The following CFAP61 variants were observed in gnomAD, a reference collection of about 807,000 sequenced individuals.
CFAP61 encodes the protein cilia and flagella associated protein 61.
In CFAP61, 107 loss-of-function variants were observed where a neutral mutation model predicts 135.6. The ratio of observed to expected loss-of-function variants is 0.79; its 90% CI spans 0.67 to 0.93. CFAP61 has a LOEUF of 0.93. CFAP61 is among the 40% of genes least tolerant of loss of function. The pLI is 0.00. For missense variants in CFAP61, 1,507 were observed against 1,556.2 expected (o/e 0.97, Z 0.53); for synonymous variants, 575 against 578.5 (o/e 0.99, Z 0.09).
At chr20:20,128,716 A>G (rs1229809426) in intron 8 of CFAP61, among the ~76,000 whole-genome samples, 1 of 151,750 alleles carries the variant, frequency 6.6e-6, no homozygotes, top group Non-Finnish European at 1.5e-5. Context: ...GTCCGCCATG[A>G]TGATCCAAAC....
At chr20:20,054,013 G>GTTTTTTTTTT (rs1239349657) in intron 1 of CFAP61, among the ~76,000 whole-genome samples, 2 of 59,098 alleles carry the variant, frequency 3.4e-5, no homozygotes, top group South Asian at 5.8e-4. Flanking sequence ...TTTTTTGTTT[G>GTTTTTTTTTT]TTTTTTTTTT....
In CFAP61 at chr20:20,123,677, C is replaced by A. The variant is rs1402189392; in HGVS notation, c.860-19180C>A. On this transcript the variant is annotated intron_variant, in intron 8 of 26. Transcript: ENST00000245957. ...GTTTTGGTGGTGTGATGCCTCCAGACTTGTTCTTTTTGCTTAGTCTTGCTT... is the reference window on the plus strand; with the variant it reads ...GTTTTGGTGGTGTGATGCCTCCAGAATTGTTCTTTTTGCTTAGTCTTGCTT... Among the ~76,000 whole-genome samples, 5 of 151,574 alleles carry A rather than the reference C, an allele frequency of 3.3e-5. 1 individual carries two copies. The highest frequency in any genetic ancestry group is 9.8e-5 in the African/African-American group (4 of 41,008).
chr20:20,063,643 A>G (rs2044996206), intron 2 of CFAP61, among the ~76,000 whole-genome samples: 1 of 152,210 alleles, frequency 6.6e-6, no homozygotes, highest in Non-Finnish European at 1.5e-5. Context: ...TAAAATATTA[A>G]AAGAATCCCT....
chr20:20,190,568 TGTG>T (rs2055848259), intron 14 of CFAP61, among the ~76,000 whole-genome samples: 4 of 152,208 alleles, frequency 2.6e-5, no homozygotes, highest in Admixed American at 2.0e-4. Flanking sequence ...GATGAAATCA[TGTG>T]AAACTTCATA....
intron 9 of CFAP61, among the ~76,000 whole-genome samples, chr20:20,158,104 G>C (rs1305241251): frequency 1.4e-5 from 2 of 147,956 alleles, no homozygotes; most frequent in African/African-American, 4.9e-5. Context: ...GGTGGGGGGA[G>C]GGGGGAGGGA....
rs111801312 is a variant in CFAP61 at position 20,163,930 on chromosome 20, C to T, written c.1027-120C>T. ...AGGCCTGGCCCAGGATGAGTTGTTTCGGGTGACAGTCACACCTGTCCTCAG... is the reference window on the plus strand; with the variant it reads ...AGGCCTGGCCCAGGATGAGTTGTTTTGGGTGACAGTCACACCTGTCCTCAG... On this transcript the variant is annotated intron_variant, in intron 10 of 26. Transcript: ENST00000245957. 2,398 of 698,650 alleles carry T rather than the reference C, an allele frequency of 3.4e-3. 47 individuals are homozygous for T. The African/African-American group carries it at 0.04, about 12-fold the overall frequency. The allele number at this position is 698,650 out of a possible 1,614,324, so 43.3% of individuals were successfully genotyped here.
rs1329761941 is a variant in CFAP61 at position 20,346,199 on chromosome 20, C to T, written c.3513+4278C>T. Among the ~76,000 whole-genome samples the T allele has an allele frequency of 2.0e-5, 3 of 147,480 alleles. No individual in the cohort carries two copies. The East Asian group carries it at 6.4e-4, about 31-fold the overall frequency. ...TACAGGTGTGAGCCACCGCGCCCGGCCGATTGTGCCACTTTAGTCCAGCCT... is the reference window on the plus strand; with the variant it reads ...TACAGGTGTGAGCCACCGCGCCCGGTCGATTGTGCCACTTTAGTCCAGCCT... On this transcript the variant is annotated intron_variant, in intron 26 of 26. Coordinates refer to ENST00000245957, the MANE Select transcript of CFAP61 (RefSeq NM_015585.4).
chr20:20,260,348 A>G (rs2052058696), intron 20 of CFAP61, among the ~76,000 whole-genome samples: 1 of 152,258 alleles, frequency 6.6e-6, no homozygotes, highest in Admixed American at 6.5e-5. Flanking sequence ...CCATTCAATG[A>G]AAGAACACAG....
At chr20:20,270,623 AT>A (rs200993797) in intron 21 of CFAP61, among the ~76,000 whole-genome samples, 1 of 150,614 alleles carries the variant, frequency 6.6e-6, no homozygotes, top group Non-Finnish European at 1.5e-5. Flanking sequence ...TGAAACTGGC[AT>A]TTTTCCCCCT....
chr20:20,325,688 T>A (rs2122275329), intron 25 of CFAP61, among the ~76,000 whole-genome samples: 1 of 152,334 alleles, frequency 6.6e-6, no homozygotes, highest in Admixed American at 6.5e-5. Context: ...TGTACAAGTT[T>A]TTGTATGGGC....
chr20:20,272,243 C>A (rs1241710989), intron 21 of CFAP61, among the ~76,000 whole-genome samples: 1 of 152,104 alleles, frequency 6.6e-6, no homozygotes, highest in Admixed American at 6.6e-5. Flanking sequence ...AGTTCACTAC[C>A]AGCCTGGCCA....
chr20:20,285,990 G>A (rs2054561392), intron 22 of CFAP61, among the ~76,000 whole-genome samples: 1 of 139,080 alleles, frequency 7.2e-6, no homozygotes, highest in Non-Finnish European at 1.5e-5. Flanking sequence ...TGGAAATGGA[G>A]AGAAAAGGTA....
rs141231617 is a variant in CFAP61, at chr20:20,136,553, G to A, written c.860-6304G>A. 8.4e-4 allele frequency among the ~76,000 whole-genome samples: 127 copies of A among 152,084 alleles called. 1 individual carries two copies. Among genetic ancestry groups the A allele is most frequent in the African/African-American group, 2.8e-3 (118 of 41,470 alleles). On this transcript the variant is annotated intron_variant, in intron 8 of 26. Transcript: ENST00000245957. ...TGATACATTTTTCATTATGTCAGTTGCATTTTTCAACTCCAGAATTTCTGC... is the reference window on the plus strand; with the variant it reads ...TGATACATTTTTCATTATGTCAGTTACATTTTTCAACTCCAGAATTTCTGC...
rs2044779999 is a variant in CFAP61 at position 20,061,329 on chromosome 20, T to G, written c.143+4533T>G. 3.3e-5 allele frequency among the ~76,000 whole-genome samples: 5 copies of G among 152,298 alleles called. No homozygotes were observed. The South Asian group carries it at 1.0e-3, about 32-fold the overall frequency. On this transcript the variant is annotated intron_variant, in intron 2 of 26. Coordinates refer to ENST00000245957, the MANE Select transcript of CFAP61 (RefSeq NM_015585.4). ...AAAATAAATTTTACTATATCAGCAA[T>G]CATAATAAATGCATCTGGACAAAAA...
intron 13 of CFAP61, among the ~76,000 whole-genome samples, chr20:20,180,553 C>G (rs182488963): frequency 6.6e-6 from 1 of 152,196 alleles, no homozygotes; most frequent in Non-Finnish European, 1.5e-5. Flanking sequence ...TGCTTATACT[C>G]TATTTGTGGG....
chr20:20,311,361 A>T (rs1298795570), intron 25 of CFAP61, among the ~76,000 whole-genome samples: 1 of 152,252 alleles, frequency 6.6e-6, no homozygotes, highest in Non-Finnish European at 1.5e-5. Flanking sequence ...ACCCTCCCAC[A>T]TGAAACAACT....
chr20:20,057,861 G>C (rs1189296304), intron 2 of CFAP61, among the ~76,000 whole-genome samples: 1 of 152,058 alleles, frequency 6.6e-6, no homozygotes, highest in Non-Finnish European at 1.5e-5. Flanking sequence ...GGGACTACAG[G>C]TGCATGCCAC....
At chr20:20,253,345 G>A (rs1240364462) in intron 20 of CFAP61, 1 of 188,642 alleles carries the variant, frequency 5.3e-6, no homozygotes, top group Admixed American at 6.1e-5. Flanking sequence ...GTTTCTTCTG[G>A]GCTATCTTTT....
At chr20:20,209,247 A>G (rs1005588404) in intron 17 of CFAP61, among the ~76,000 whole-genome samples, 1 of 152,130 alleles carries the variant, frequency 6.6e-6, no homozygotes, top group African/African-American at 2.4e-5. Context: ...ATGTTGGTTA[A>G]GTTTTTATCC....
Sources: allele counts gnomAD v4.1 joint callset (sites outside exome capture counted in the v4.1 genomes callset), GRCh38; gene constraint gnomAD v4.1.1; transcripts MANE v1.5; gene names NCBI Gene and HGNC (gene_info 2026-07-23, HGNC 2026-07-21).